The following PRTG variants were observed in gnomAD, a reference collection of about 807,000 sequenced individuals.
The protein encoded by PRTG is immunoglobulin superfamily, DCC subclass, member 5.
In PRTG, 67 loss-of-function variants were observed where a neutral mutation model predicts 122.5. The ratio of observed to expected loss-of-function variants is 0.55; its 90% confidence interval spans 0.45 to 0.67. The LOEUF (loss-of-function observed/expected upper bound fraction) is 0.67, where lower values mean the gene tolerates loss of function less well. Ranked by LOEUF, PRTG falls within the 30% of genes least tolerant of loss-of-function variation. The pLI is 0.00. For missense variants in PRTG, 1,435 were observed against 1,415.4 expected (o/e 1.01, Z -0.22); for synonymous variants, 554 against 501.1 (o/e 1.11, Z -1.41).
At chr15:55,697,586 G>T in intron 2 of PRTG, among the ~76,000 whole-genome samples, 1 of 152,052 alleles carries the variant, frequency 6.6e-6, no homozygotes, top group Admixed American at 6.5e-5. Flanking sequence ...CCTGTGTCTG[G>T]GTTCAAGCGA....
At chr15:55,707,372 T>A (rs1388261038) in intron 2 of PRTG, among the ~76,000 whole-genome samples, 1 of 152,240 alleles carries the variant, frequency 6.6e-6, no homozygotes, top group Non-Finnish European at 1.5e-5. Context: ...CTAAAGGGTT[T>A]CAACAACCCA....
intron 15 of PRTG, among the ~76,000 whole-genome samples, chr15:55,635,815 A>G (rs2059254863): frequency 6.6e-6 from 1 of 152,180 alleles, no homozygotes; most frequent in African/African-American, 2.4e-5. Context: ...GAAAAGTACA[A>G]TGTATGTGGG....
In PRTG at chr15:55,616,353, G is replaced by C. The variant is rs893467607; in HGVS notation, c.*3659C>G. On this transcript the variant is annotated 3_prime_UTR_variant, in exon 20 of 20. Coordinates refer to ENST00000389286, the MANE Select transcript of PRTG (RefSeq NM_173814.6). ...TTTGTTTGCCTCTTACATCCTTAGA[G>C]ATGAAAAGCATCCCTATTATTAAGG... is the stretch of plus-strand genomic sequence containing the variant. 6.6e-6 allele frequency: 1 copy of C among 152,136 alleles called. No individual in the cohort carries two copies. Among genetic ancestry groups the C allele is most frequent in the African/African-American group, 2.4e-5 (1 of 41,444 alleles). The allele number at this position is 152,136 out of a possible 1,614,324, so 9.4% of individuals were successfully genotyped here. A position where few individuals can be genotyped will look rare whatever the true frequency, so the allele number is the denominator to read the frequency against.
intron 11 of PRTG, among the ~76,000 whole-genome samples, chr15:55,663,493 A>G (rs2141776698): frequency 6.6e-6 from 1 of 150,906 alleles, no homozygotes; most frequent in South Asian, 2.1e-4. Context: ...TCTTGCCCCC[A>G]TCTCTAGTCA....
intron 2 of PRTG, among the ~76,000 whole-genome samples, chr15:55,717,608 G>C (rs1282072783): frequency 6.6e-6 from 1 of 152,120 alleles, no homozygotes; most frequent in African/African-American, 2.4e-5. Flanking sequence ...TTAATCTAGT[G>C]AACTATTATG....
At chr15:55,742,219 GC>G (rs2031630700) in intron 1 of PRTG, 1 of 152,274 alleles carries the variant, frequency 6.6e-6, no homozygotes, top group Non-Finnish European at 1.5e-5. Flanking sequence ...GCACAAATCG[GC>G]CACTTCACTT....
At chr15:55,668,004 T>C (rs927191713) in intron 11 of PRTG, among the ~76,000 whole-genome samples, 3 of 152,314 alleles carry the variant, frequency 2.0e-5, no homozygotes, top group African/African-American at 7.2e-5. Flanking sequence ...GTAGGAGGAT[T>C]GCTTGAGCCT....
chr15:55,727,616 T>C (rs977518213), intron 2 of PRTG, among the ~76,000 whole-genome samples: 2 of 152,002 alleles, frequency 1.3e-5, no homozygotes, highest in East Asian at 3.9e-4. Flanking sequence ...GCTAACATGG[T>C]GAAACCCCGT....
rs1034399847 is a variant in PRTG at position 55,613,572 on chromosome 15, G to A, written c.*6440C>T. 3 of 152,046 alleles carry A rather than the reference G, an allele frequency of 2.0e-5. No individual in the cohort carries two copies. The highest frequency in any genetic ancestry group is 7.2e-5 in the African/African-American group (3 of 41,422). 9.4% of individuals were successfully genotyped at this position (152,046 alleles called of 1,614,324 possible). On this transcript the variant is annotated 3_prime_UTR_variant, in exon 20 of 20. Coordinates refer to ENST00000389286, the MANE Select transcript of PRTG (RefSeq NM_173814.6). ...GAGAAATTAGGAGATGATAAGGGAT[G>A]AGTTACAGCCGCCTTAATCCCTCCT... is the stretch of plus-strand genomic sequence containing the variant.
intron 2 of PRTG, among the ~76,000 whole-genome samples, chr15:55,708,867 G>A (rs1168122022): frequency 2.6e-5 from 4 of 151,340 alleles, no homozygotes; most frequent in South Asian, 4.2e-4. Flanking sequence ...TTTTGAGGCC[G>A]GGTGCAGTGA....
At position 55,615,622 on chromosome 15, in the gene PRTG, A is replaced by C. The variant is rs2059138716; in HGVS notation, c.*4390T>G. On this transcript the variant is annotated 3_prime_UTR_variant, in exon 20 of 20. Transcript: ENST00000389286. ...AACTGCAAAGATTATTTTGACTATT[A>C]AACCAACAGAATCTTATCAGAGACC... 1 of 152,142 alleles carries C rather than the reference A, an allele frequency of 6.6e-6. No homozygotes were observed. Among genetic ancestry groups the C allele is most frequent in the Non-Finnish European group, 1.5e-5 (1 of 68,002 alleles). The allele number at this position is 152,142 out of a possible 1,614,324, so 9.4% of individuals were successfully genotyped here.
At position 55,615,224 on chromosome 15, in the gene PRTG, C is replaced by G. The variant is rs1006791790; in HGVS notation, c.*4788G>C. On this transcript the variant is annotated 3_prime_UTR_variant, in exon 20 of 20. Transcript: ENST00000389286. ...CCTCAAAAAGAAACAGCCCTGCAAG[C>G]GCCTTGATTTTGTCCCAGGGAGACC... 1 of 152,028 alleles carries G rather than the reference C, an allele frequency of 6.6e-6. No individual in the cohort carries two copies. Among genetic ancestry groups the G allele is most frequent in the Non-Finnish European group, 1.5e-5 (1 of 67,956 alleles). 9.4% of individuals were successfully genotyped at this position (152,028 alleles called of 1,614,324 possible).
In PRTG at chr15:55,717,436, A is replaced by AG. The variant is rs1408356823; in HGVS notation, c.397+22945dup. ...TGCCTCTCCAGTAATTCTACGCAAG[A>AG]GAAAAAAAGCAAAAGCCACAGTGAA... On this transcript the variant is annotated intron_variant, in intron 2 of 19. Transcript: ENST00000389286. 2.0e-5 allele frequency among the ~76,000 whole-genome samples: 3 copies of AG among 152,320 alleles called. No homozygotes were observed. The East Asian group carries it at 5.8e-4, about 29-fold the overall frequency.
rs539399751 is a variant in PRTG at position 55,740,735 on chromosome 15, T to C, written c.95-51A>G. On this transcript the variant is annotated intron_variant, in intron 1 of 19. Coordinates refer to ENST00000389286, the MANE Select transcript of PRTG (RefSeq NM_173814.6). Reference sequence around the variant, plus strand: ...CACATCCAGAATTACAGGCATAAAATGATTCCTTAACACACAACTGTAAAA... The same window carrying C: ...CACATCCAGAATTACAGGCATAAAACGATTCCTTAACACACAACTGTAAAA... The C allele has an allele frequency of 8.8e-6, 13 of 1,478,018 alleles. No homozygotes were observed. In the East Asian group the frequency reaches 1.4e-4, roughly 15 times the overall value. 91.6% of individuals were successfully genotyped at this position (1,478,018 alleles called of 1,614,324 possible).
Position 55,616,957 on chromosome 15 carries a change from A to G in PRTG, c.*3055T>C, listed in dbSNP as rs898298854. On this transcript the variant is annotated 3_prime_UTR_variant, in exon 20 of 20. Coordinates refer to ENST00000389286, the MANE Select transcript of PRTG (RefSeq NM_173814.6). ...AAATACTGATGAGCAGTATCTTGTA[A>G]TATTTGGCATAAAAATGACATGCAG... is the stretch of plus-strand genomic sequence containing the variant. 1.3e-5 allele frequency: 2 copies of G among 152,120 alleles called. No homozygotes were observed. The highest frequency in any genetic ancestry group is 2.4e-5 in the African/African-American group (1 of 41,446). The allele number at this position is 152,120 out of a possible 1,614,324, so 9.4% of individuals were successfully genotyped here.
rs557018559 is a variant in PRTG, at chr15:55,726,200, G to A, written c.397+14182C>T. Among the ~76,000 whole-genome samples, 12 of 152,104 alleles carry A rather than the reference G, an allele frequency of 7.9e-5. 1 individual carries two copies. The highest frequency in any genetic ancestry group is 2.6e-4 in the Admixed American group (4 of 15,258). ...TCGTAATCCAACCGCCCAGCCTCCC[G>A]AAGTGCTGAGATTACAGGTGTGGGC... is the stretch of plus-strand genomic sequence containing the variant. On this transcript the variant is annotated intron_variant, in intron 2 of 19. Transcript: ENST00000389286.
rs1025032820 is a variant in PRTG at position 55,614,421 on chromosome 15, A to T, written c.*5591T>A. The T allele has an allele frequency of 2.6e-5, 4 of 152,088 alleles. No homozygotes were observed. Among genetic ancestry groups the T allele is most frequent in the African/African-American group, 9.7e-5 (4 of 41,438 alleles). The allele number at this position is 152,088 out of a possible 1,614,324, so 9.4% of individuals were successfully genotyped here. On this transcript the variant is annotated 3_prime_UTR_variant, in exon 20 of 20. Coordinates refer to ENST00000389286, the MANE Select transcript of PRTG (RefSeq NM_173814.6). ...CCAGATTTAAAGGCAGAAAGTTGTGAATGTTGTGAATATGTCATTAAAAGA... is the reference window on the plus strand; with the variant it reads ...CCAGATTTAAAGGCAGAAAGTTGTGTATGTTGTGAATATGTCATTAAAAGA...
In PRTG at chr15:55,626,985, C is replaced by T. The variant is rs371080102; in HGVS notation, c.2927+23G>A. The T allele has an allele frequency of 5.6e-5, 88 of 1,583,612 alleles. No individual in the cohort carries two copies. The African/African-American group carries it at 1.1e-3, about 19-fold the overall frequency. On this transcript the variant is annotated intron_variant, in intron 17 of 19. Transcript: ENST00000389286. ...GTAATTTAAATGTTTTTCACCTCAA[C>T]ATCTCTAGCAATGGAAACACACCTG... is the stretch of plus-strand genomic sequence containing the variant.
intron 2 of PRTG, among the ~76,000 whole-genome samples, chr15:55,715,121 AG>A (rs2030551536): frequency 1.3e-5 from 2 of 152,242 alleles, no homozygotes; most frequent in Non-Finnish European, 2.9e-5. Flanking sequence ...AACTGTTAAA[AG>A]TAATGTATCT....
Sources: allele counts gnomAD v4.1 joint callset (sites outside exome capture counted in the v4.1 genomes callset), GRCh38; gene constraint gnomAD v4.1.1; transcripts MANE v1.5; gene names NCBI Gene and HGNC (gene_info 2026-07-23, HGNC 2026-07-21).